CHD7: variants seen among roughly 807,000 people sequenced by gnomAD.
CHD7 encodes ATP-dependent chromatin remodeler CHD7.
A neutral mutation model predicts 307.3 loss-of-function variants in CHD7; 24 were observed. That is an observed-to-expected ratio of 0.08 (90% confidence interval 0.06 to 0.11). CHD7 has a LOEUF of 0.11. CHD7 is among the 10% of genes least tolerant of loss of function. The probability of loss-of-function intolerance (pLI) is 1.00; values close to 1 mark genes in which losing one functional copy is unlikely to be tolerated. For missense variants in CHD7, 3,106 were observed against 3,727.1 expected, an observed-to-expected ratio of 0.83 and a Z score of 4.34; for synonymous variants, 1,363 against 1,349.9, an observed-to-expected ratio of 1.01 and a Z score of -0.21.
chr8:60,858,230 T>C (rs1228148333), intron 34 of CHD7, among the ~76,000 whole-genome samples: 1 of 152,232 alleles, frequency 6.6e-6, no homozygotes, highest in African/African-American at 2.4e-5. Context: ...CACTCCAGCC[T>C]GGGTGACAGA....
At position 60,836,885 on chromosome 8, in the gene CHD7, C is replaced by G; in HGVS notation, c.4058C>G (p.Ser1353Cys). The G allele has an allele frequency of 6.2e-7, 1 of 1,613,868 alleles. No individual in the cohort carries two copies. The highest frequency in any genetic ancestry group is 8.5e-7 in the Non-Finnish European group (1 of 1,179,818). Reference protein sequence around the residue: ...NLRQAAIDRFSKPDSDRFVFL... With the variant: ...NLRQAAIDRFCKPDSDRFVFL... ...CGCCAGGCAGCTATCGACAGATTCT[C>G]CAAACCTGATTCTGATAGGTTTGTT... Residue 1353 changes from serine to cysteine, a missense_variant, in exon 17 of 38, where the codon TCC (serine) becomes TGC (cysteine). By Grantham distance (112) the Ser-to-Cys change is moderately radical (BLOSUM62 -1). Transcript: ENST00000423902.
chr8:60,776,137 A>G (rs180948259), intron 2 of CHD7, among the ~76,000 whole-genome samples: 35 of 152,314 alleles, frequency 2.3e-4, no homozygotes, highest in African/African-American at 6.7e-4. Flanking sequence ...AACTTGTTCT[A>G]TACTTTTTGC....
chr8:60,817,450 C>T (rs1288139144), intron 8 of CHD7, among the ~76,000 whole-genome samples: 10 of 152,142 alleles, frequency 6.6e-5, no homozygotes, highest in Non-Finnish European at 1.3e-4. Context: ...AGTCTGTGTT[C>T]TTCTGGGATC....
chr8:60,765,465 C>G (rs924294238), intron 2 of CHD7, among the ~76,000 whole-genome samples: 65 of 152,268 alleles, frequency 4.3e-4, no homozygotes, highest in Middle Eastern at 3.4e-3. Flanking sequence ...TGTGGGAGCA[C>G]TTGACTCCAC....
Position 60,850,561 on chromosome 8 carries a change from G to C in CHD7, c.5473G>C (p.Asp1825His). 6.2e-7 allele frequency: 1 copy of C among 1,613,398 alleles called. No individual in the cohort carries two copies. Among genetic ancestry groups the C allele is most frequent in the South Asian group, 1.1e-5 (1 of 90,914 alleles). ...CTTTCTGGAACGAGTCGGTATGCCT[G>C]ATGCCAAGGCCATAGCTGCCGAGCA... ...LCFLERVGMP[D>H]AKAIAAEQRG... is the part of the protein sequence containing the mutation. Residue 1825 changes from aspartate (D) to histidine (H), a missense_variant, in exon 26 of 38, where the codon GAT (aspartate) becomes CAT (histidine). This residue lies in a region of CHD7 where 1,030 missense variants were observed against 1,165.4 expected (regional missense o/e 0.88). Coordinates refer to ENST00000423902, the MANE Select transcript of CHD7 (RefSeq NM_017780.4).
chr8:60,792,277 A>G (rs958572044), intron 3 of CHD7, among the ~76,000 whole-genome samples: 1 of 152,230 alleles, frequency 6.6e-6, no homozygotes, highest in Non-Finnish European at 1.5e-5. Context: ...TTTTAATACA[A>G]CACTTAGTTG....
chr8:60,808,385 A>C (rs189073534), intron 7 of CHD7, 113 bp downstream of exon 7: 1 of 716,616 alleles, frequency 1.4e-6, no homozygotes, highest in African/African-American at 1.8e-5. Flanking sequence ...TTCTTTAGTC[A>C]TCATGGCCTG....
Position 60,742,100 on chromosome 8 carries a change from G to A in CHD7, c.668G>A (p.Gly223Glu). 2 of 1,613,982 alleles carry A rather than the reference G, an allele frequency of 1.2e-6. No homozygotes were observed. Among genetic ancestry groups the A allele is most frequent in the Non-Finnish European group, 1.7e-6 (2 of 1,179,896 alleles). Residue 223 changes from glycine (G) to glutamate (E), a missense_variant, in exon 2 of 38, where the codon GGA becomes GAA. This residue lies in a region of CHD7 where 998 missense variants were observed against 1,004.5 expected (regional missense o/e 0.99). Coordinates refer to ENST00000423902, the MANE Select transcript of CHD7 (RefSeq NM_017780.4). The stretch of plus-strand genomic sequence containing the variant: ...CAAGGCCAAGAGGGCCTCAATCAGG[G>A]AAATCCTTTTATTGCCACCTCAGGA... ...FSQGQEGLNQ[G>E]NPFIATSGPG...
intron 1 of CHD7, among the ~76,000 whole-genome samples, chr8:60,686,702 G>A (rs1323909941): frequency 6.6e-6 from 1 of 151,106 alleles, no homozygotes; most frequent in Non-Finnish European, 1.5e-5. Flanking sequence ...GGAAAGGTGT[G>A]CAATTAGACA....
Position 60,764,381 on chromosome 8 carries a change from AAAG to A in CHD7, c.1666-16615_1666-16613del, listed in dbSNP as rs202122868. ...GAAATCACAAGCCATTTTGAATTAAAAAGAAGTAAGATTGAGATAGTTCAACTG... is the reference window on the plus strand; with the variant it reads ...GAAATCACAAGCCATTTTGAATTAAAAAGTAAGATTGAGATAGTTCAACTG... On this transcript the variant is annotated intron_variant, in intron 2 of 37. Coordinates refer to ENST00000423902, the MANE Select transcript of CHD7 (RefSeq NM_017780.4). 6.8e-4 allele frequency among the ~76,000 whole-genome samples: 104 copies of A among 152,340 alleles called. No homozygotes were observed. The East Asian group carries it at 0.018, about 26-fold the overall frequency.
intron 1 of CHD7, among the ~76,000 whole-genome samples, chr8:60,720,577 C>G (rs1201599357): frequency 6.6e-6 from 1 of 152,192 alleles, no homozygotes; most frequent in Non-Finnish European, 1.5e-5. Flanking sequence ...TGCTGTTGAG[C>G]CTCCAGCTTC....
chr8:60,788,209 A>C (rs1221095922), intron 3 of CHD7, among the ~76,000 whole-genome samples: 1 of 151,242 alleles, frequency 6.6e-6, no homozygotes, highest in East Asian at 2.0e-4. Flanking sequence ...CTGCAGCCTC[A>C]GCCTCCTGGG....
chr8:60,812,634 A>T (rs1323850615), intron 7 of CHD7, among the ~76,000 whole-genome samples: 1 of 148,096 alleles, frequency 6.8e-6, no homozygotes, highest in Non-Finnish European at 1.5e-5. Context: ...ATTGCACTCC[A>T]GCTGGGCGAC....
chr8:60,820,661 A>G (rs1413366088), intron 9 of CHD7, among the ~76,000 whole-genome samples: 2 of 152,200 alleles, frequency 1.3e-5, no homozygotes, highest in African/African-American at 4.8e-5. Flanking sequence ...TTGTGTCTTG[A>G]TAATGATGTG....
At chr8:60,862,469 T>C (rs1028462802) in intron 36 of CHD7, 79 bp from the exon 37 acceptor site, 14 of 1,473,590 alleles carry the variant, frequency 9.5e-6, no homozygotes, top group South Asian at 1.2e-5. Context: ...GTGTGTATTA[T>C]AGAAGGGGGA....
chr8:60,849,480 C>T (rs543752458), intron 25 of CHD7, among the ~76,000 whole-genome samples: 4 of 152,320 alleles, frequency 2.6e-5, no homozygotes, highest in Admixed American at 2.0e-4. Flanking sequence ...GCTAACTCTG[C>T]CAACCAGTGT....
At chr8:60,731,099 C>T (rs1357841384) in intron 1 of CHD7, among the ~76,000 whole-genome samples, 1 of 152,134 alleles carries the variant, frequency 6.6e-6, no homozygotes, top group Non-Finnish European at 1.5e-5. Flanking sequence ...GCTTGTGTTC[C>T]AGTCACCCTT....
intron 21 of CHD7, among the ~76,000 whole-genome samples, chr8:60,842,727 A>G (rs1401874348): frequency 2.0e-5 from 3 of 152,206 alleles, no homozygotes; most frequent in African/African-American, 7.2e-5. Context: ...ACCTTTCTAC[A>G]GATCTGATGA....
chr8:60,687,167 A>G (rs928326116), intron 1 of CHD7, among the ~76,000 whole-genome samples: 2 of 152,260 alleles, frequency 1.3e-5, no homozygotes, highest in African/African-American at 4.8e-5. Context: ...AAAAACTATT[A>G]AACATCTTTA....
Sources: gnomAD v4.1 joint callset for allele counts (sites outside exome capture counted in the v4.1 genomes callset) on GRCh38, gnomAD v4.1.1 for gene constraint, gnomAD v4.1.1 regional missense constraint, MANE v1.5 for transcripts, NCBI Gene and HGNC (gene_info 2026-07-23, HGNC 2026-07-21) for gene names.